Variants in MAGI2 observed in about 807,000 individuals in gnomAD.
MAGI2 encodes the protein membrane-associated guanylate kinase, WW and PDZ domain-containing protein 2.
In MAGI2, 35 loss-of-function variants were observed where a neutral mutation model predicts 133.3. The ratio of observed to expected loss-of-function variants is 0.26; its 90% CI spans 0.20 to 0.35. The LOEUF is 0.35. MAGI2 is among the 10% of genes least tolerant of loss of function. The pLI is 1.00. For synonymous variants in MAGI2, 729 were observed against 710.6 expected (o/e 1.03, Z -0.41); for missense variants, 1,636 against 1,863.4 (o/e 0.88, Z 2.25).
At chr7:78,094,953 T>C (rs1817565765) in intron 20 of MAGI2, among the ~76,000 whole-genome samples, 1 of 152,184 alleles carries the variant, frequency 6.6e-6, no homozygotes, top group Non-Finnish European at 1.5e-5. Context: ...GCCCTCTCTC[T>C]TTCTTTATCC....
chr7:78,854,814 T>C (rs553670648), intron 2 of MAGI2, among the ~76,000 whole-genome samples: 2 of 152,252 alleles, frequency 1.3e-5, no homozygotes, highest in Admixed American at 6.5e-5. Context: ...AAAACATGTT[T>C]AAGCAACAAG....
chr7:79,066,285 G>GTT (rs538535344), intron 1 of MAGI2, among the ~76,000 whole-genome samples: 5,309 of 127,424 alleles, frequency 0.042, 223 homozygotes, highest in African/African-American at 0.11. Context: ...TCAGTGTGGT[G>GTT]TTTTTTTTTT....
intron 21 of MAGI2, among the ~76,000 whole-genome samples, chr7:78,048,452 C>A (rs185392684): frequency 1.3e-5 from 2 of 152,054 alleles, no homozygotes; most frequent in Non-Finnish European, 2.9e-5. Flanking sequence ...TTGTTCCTCA[C>A]GCTCATTAAA....
chr7:78,213,502 G>A (rs1461631844), intron 10 of MAGI2, among the ~76,000 whole-genome samples: 2 of 152,152 alleles, frequency 1.3e-5, no homozygotes, highest in East Asian at 3.8e-4. Context: ...TCACACTTCT[G>A]TTAAGTTTAG....
intron 6 of MAGI2, among the ~76,000 whole-genome samples, chr7:78,434,154 G>C (rs1253821821): frequency 6.6e-6 from 1 of 152,108 alleles, no homozygotes; most frequent in Non-Finnish European, 1.5e-5. Context: ...TAATGCTTGA[G>C]CAGATTTGGC....
intron 1 of MAGI2, among the ~76,000 whole-genome samples, chr7:79,200,439 C>T (rs1242947639): frequency 7.6e-6 from 1 of 131,940 alleles, no homozygotes. Flanking sequence ...CCCGTCTCTA[C>T]AAAATTAAAA....
At chr7:79,184,597 T>A (rs1826906733) in intron 1 of MAGI2, among the ~76,000 whole-genome samples, 1 of 151,730 alleles carries the variant, frequency 6.6e-6, no homozygotes, top group South Asian at 2.1e-4. Context: ...TGTAGATATT[T>A]CTAACATGGG....
rs187796201 is a variant in MAGI2 at position 79,348,879 on chromosome 7, A to G, written c.301+104141T>C. Reference sequence around the variant, plus strand: ...TAATCACTGTGCTCTCTTCTCTTTTAGAAAAAATTATGCAATGCAGAGGAA... The same window carrying G: ...TAATCACTGTGCTCTCTTCTCTTTTGGAAAAAATTATGCAATGCAGAGGAA... On this transcript the variant is annotated intron_variant, in intron 1 of 21. Coordinates refer to ENST00000354212, the MANE Select transcript of MAGI2 (RefSeq NM_012301.4). 1.8e-3 allele frequency among the ~76,000 whole-genome samples: 268 copies of G among 152,078 alleles called. 1 individual carries two copies. Among genetic ancestry groups the G allele is most frequent in the Non-Finnish European group, 2.7e-3 (183 of 67,848 alleles).
chr7:78,497,693 A>G (rs927850189), intron 5 of MAGI2, among the ~76,000 whole-genome samples: 1 of 145,928 alleles, frequency 6.9e-6, no homozygotes, highest in South Asian at 2.3e-4. Context: ...TTCACTGTAG[A>G]GTTCCTTTAT....
intron 2 of MAGI2, among the ~76,000 whole-genome samples, chr7:78,717,506 G>A (rs1308253384): frequency 2.0e-5 from 3 of 152,058 alleles, no homozygotes; most frequent in Non-Finnish European, 2.9e-5. Flanking sequence ...GATGTGAATC[G>A]TGTGTGCTTT....
In MAGI2 at chr7:78,928,435, T is replaced by C. The variant is rs186728639; in HGVS notation, c.418+78655A>G. ...AAAAAAAACCCTCAAGAACTGGAGA[T>C]ACCATGTCAACTTGAAGGCTCATTC... On this transcript the variant is annotated intron_variant, in intron 2 of 21. Transcript: ENST00000354212. Among the ~76,000 whole-genome samples the C allele has an allele frequency of 3.0e-3, 461 of 152,038 alleles. 7 individuals are homozygous for C. The highest frequency in any genetic ancestry group is 0.011 in the African/African-American group (444 of 41,536).
At chr7:78,902,540 C>A (rs1254142844) in intron 2 of MAGI2, 1 of 152,158 alleles carries the variant, frequency 6.6e-6, no homozygotes, top group Admixed American at 6.5e-5. Flanking sequence ...GATTAAGAAC[C>A]ATGGCGGCCA....
intron 1 of MAGI2, among the ~76,000 whole-genome samples, chr7:79,296,399 G>T (rs1346552623): frequency 6.6e-6 from 1 of 152,126 alleles, no homozygotes; most frequent in Admixed American, 6.6e-5. Context: ...ATTTATTGTG[G>T]CACTATTCAT....
At chr7:78,355,652 C>T (rs1791998545) in intron 7 of MAGI2, among the ~76,000 whole-genome samples, 1 of 152,178 alleles carries the variant, frequency 6.6e-6, no homozygotes, top group Admixed American at 6.5e-5. Context: ...TTAGGTGATT[C>T]TGCTTCAAAT....
At chr7:78,336,102 G>C (rs1467844424) in intron 9 of MAGI2, among the ~76,000 whole-genome samples, 1 of 152,148 alleles carries the variant, frequency 6.6e-6, no homozygotes, top group African/African-American at 2.4e-5. Flanking sequence ...GGGATTATAG[G>C]TTTAGAGGGT....
At chr7:78,467,822 T>C (rs940337546) in intron 6 of MAGI2, among the ~76,000 whole-genome samples, 1 of 152,118 alleles carries the variant, frequency 6.6e-6, no homozygotes, top group Non-Finnish European at 1.5e-5. Context: ...TGTGAAAATC[T>C]CATAAGGAAA....
chr7:78,530,175 A>C (rs1381663872), intron 3 of MAGI2, among the ~76,000 whole-genome samples: 1 of 152,208 alleles, frequency 6.6e-6, no homozygotes, highest in Non-Finnish European at 1.5e-5. Context: ...TCTCTGTCGT[A>C]AATAACTGAG....
At chr7:79,183,598 A>C (rs1826808693) in intron 1 of MAGI2, among the ~76,000 whole-genome samples, 1 of 151,844 alleles carries the variant, frequency 6.6e-6, no homozygotes, top group Non-Finnish European at 1.5e-5. Context: ...AGAATTCCCA[A>C]TATTCATTTG....
chr7:78,138,628 C>CACAT (rs200822993), intron 16 of MAGI2, among the ~76,000 whole-genome samples: 7,333 of 37,692 alleles, frequency 0.19, 328 homozygotes, highest in South Asian at 0.25. Context: ...CATAGATTCA[C>CACAT]ACACACACAC....
Sources: gnomAD v4.1 joint callset for allele counts (sites outside exome capture counted in the v4.1 genomes callset) on GRCh38, gnomAD v4.1.1 for gene constraint, MANE v1.5 for transcripts, NCBI Gene and HGNC (gene_info 2026-07-23, HGNC 2026-07-21) for gene names.